Variants in TACC2 observed in about 807,000 individuals in gnomAD.
TACC2 encodes the protein transforming acidic coiled-coil-containing protein 2.
TACC2 carries 137 observed loss-of-function variants against 227.3 expected under a neutral mutation model. The observed-to-expected ratio is 0.60, with a 90% CI of 0.52 to 0.69. The LOEUF (loss-of-function observed/expected upper bound fraction) is 0.69, where lower values mean the gene tolerates loss of function less well. Among genes scored for constraint, TACC2 ranks in the 30% least tolerant of loss-of-function variants. TACC2 has a pLI of 0.00. For missense variants in TACC2, 3,470 were observed against 3,694.4 expected, an observed-to-expected ratio of 0.94 and a Z score of 1.57; for synonymous variants, 1,523 against 1,487.5, an observed-to-expected ratio of 1.02 and a Z score of -0.55.
rs1418868376 is a variant in TACC2 at position 122,229,505 on chromosome 10, A to G, written c.8037+19A>G. ...ACTCCAGGTTTGTAGCCCACGTGTG[A>G]CCTTTTGGGAGTTTGTCAAAACCTC... On this transcript the variant is annotated intron_variant, in intron 15 of 22. Coordinates refer to ENST00000369005, the MANE Select transcript of TACC2 (RefSeq NM_206862.4). 1.2e-6 allele frequency: 2 copies of G among 1,613,502 alleles called. No homozygotes were observed. The highest frequency in any genetic ancestry group is 2.7e-5 in the African/African-American group (2 of 74,810).
chr10:122,197,922 T>C (rs1464174557), intron 8 of TACC2, among the ~76,000 whole-genome samples: 2 of 152,224 alleles, frequency 1.3e-5, no homozygotes, highest in African/African-American at 4.8e-5. Flanking sequence ...TGCTTGCTAG[T>C]GTAGGTGGCT....
At chr10:122,025,704 G>C (rs895744130) in intron 2 of TACC2, among the ~76,000 whole-genome samples, 7 of 151,228 alleles carry the variant, frequency 4.6e-5, no homozygotes, top group Non-Finnish European at 8.8e-5. Flanking sequence ...CTCCCAAGTA[G>C]CTGGGAGCTA....
chr10:122,094,086 G>A (rs753962403), intron 5 of TACC2, among the ~76,000 whole-genome samples: 3 of 152,078 alleles, frequency 2.0e-5, no homozygotes, highest in Admixed American at 6.6e-5. Context: ...AAGTACTTAG[G>A]AAACTAAAGC....
intron 5 of TACC2, among the ~76,000 whole-genome samples, chr10:122,108,332 C>T (rs2083134074): frequency 6.6e-6 from 1 of 151,772 alleles, no homozygotes. Flanking sequence ...CTGCAAATGC[C>T]ATTATTTTAT....
At chr10:122,143,023 G>A (rs2090859090) in intron 6 of TACC2, among the ~76,000 whole-genome samples, 1 of 152,150 alleles carries the variant, frequency 6.6e-6, no homozygotes, top group Non-Finnish European at 1.5e-5. Flanking sequence ...CCTACTCGAG[G>A]GCCACACTCC....
chr10:122,046,240 C>T (rs530021267), intron 2 of TACC2, among the ~76,000 whole-genome samples: 75 of 151,708 alleles, frequency 4.9e-4, no homozygotes, highest in Non-Finnish European at 9.3e-4. Flanking sequence ...TTTGGGAGGC[C>T]GAGGCGGGTG....
At chr10:122,066,198 C>T (rs1479758761) in intron 3 of TACC2, among the ~76,000 whole-genome samples, 1 of 151,896 alleles carries the variant, frequency 6.6e-6, no homozygotes, top group Non-Finnish European at 1.5e-5. Flanking sequence ...GCCTCCACCT[C>T]CCAGGTTCAA....
intron 1 of TACC2, among the ~76,000 whole-genome samples, chr10:122,019,444 G>A (rs989975229): frequency 6.6e-6 from 1 of 152,214 alleles, no homozygotes; most frequent in Non-Finnish European, 1.5e-5. Context: ...TTCCCGGCCC[G>A]ACTGCATAAA....
intron 10 of TACC2, among the ~76,000 whole-genome samples, chr10:122,215,728 G>A (rs955324875): frequency 6.6e-6 from 1 of 152,174 alleles, no homozygotes; most frequent in African/African-American, 2.4e-5. Flanking sequence ...CAGTTCATCT[G>A]CTGTGAACTT....
At chr10:122,174,143 G>C (rs2093603244) in intron 7 of TACC2, among the ~76,000 whole-genome samples, 1 of 152,200 alleles carries the variant, frequency 6.6e-6, no homozygotes. Context: ...TTTTTCCACT[G>C]GGTGCAACTA....
intron 5 of TACC2, among the ~76,000 whole-genome samples, chr10:122,105,944 CTGTG>C (rs71022897): frequency 0.25 from 36,967 of 145,174 alleles, 5,040 homozygotes; most frequent in Non-Finnish European, 0.31. Flanking sequence ...TTTTCTCTCT[CTGTG>C]TGTGTGTGTG....
rs750857540 is a variant in TACC2, at chr10:122,132,691, G to A, written c.5656G>A (p.Gly1886Ser). 5.0e-6 allele frequency: 8 copies of A among 1,614,042 alleles called. No homozygotes were observed. In the African/African-American group the frequency reaches 9.3e-5, roughly 19 times the overall value. ...SPTLAASSYH[G>S]DVVGQVSTDL... Reference sequence around the variant, plus strand: ...AACCTTAGCTGCCTCTTCCTACCACGGTGATGTTGTTGGCCAGGTCTCTAC... The same window carrying A: ...AACCTTAGCTGCCTCTTCCTACCACAGTGATGTTGTTGGCCAGGTCTCTAC... The change falls in exon 6 of 23, where the codon GGT becomes AGT. Residue 1886 changes from glycine (G) to serine (S), a missense_variant. By Grantham distance (56) the Gly-to-Ser change is moderately conservative (BLOSUM62 0). Transcript: ENST00000369005.
chr10:122,050,544 C>T lies in TACC2; in HGVS notation c.140C>T (p.Ala47Val), dbSNP rs749336283. Residue 47 changes from alanine to valine, a missense_variant, in exon 3 of 23, where the codon GCG becomes GTG. Physicochemically the swap from Ala to Val is moderately conservative, Grantham distance 64. This residue lies in a region of TACC2 where 405 missense variants were observed against 389.6 expected (regional missense o/e 1.04). Coordinates refer to ENST00000369005, the MANE Select transcript of TACC2 (RefSeq NM_206862.4). The surrounding 1 kb of genome is among the most constrained non-coding windows in gnomAD (Gnocchi z 4.6). ...CCCGGAAGCCCTGACCACAGAGACG[C>T]GTCCAGGTAGGAGGCCAGCTCTGGA... ...DTPGSPDHRD[A>V]SSIGSVGLGG... is the part of the protein sequence containing the mutation. The T allele has an allele frequency of 9.9e-6, 16 of 1,613,182 alleles. No homozygotes were observed. Among genetic ancestry groups the T allele is most frequent in the East Asian group, 6.7e-5 (3 of 44,876 alleles).
intron 7 of TACC2, among the ~76,000 whole-genome samples, chr10:122,145,737 G>A (rs1001035230): frequency 6.6e-6 from 1 of 152,162 alleles, no homozygotes; most frequent in Non-Finnish European, 1.5e-5. Context: ...CTGATGCAGT[G>A]TTAGGGTCAG....
At chr10:122,140,436 G>A (rs547812423) in intron 6 of TACC2, among the ~76,000 whole-genome samples, 3 of 152,152 alleles carry the variant, frequency 2.0e-5, no homozygotes, top group Non-Finnish European at 2.9e-5. Context: ...CAGCTTCTTC[G>A]TTATTCCAAT....
chr10:122,089,827 C>G (rs1263527646), intron 5 of TACC2, among the ~76,000 whole-genome samples: 2 of 152,212 alleles, frequency 1.3e-5, no homozygotes, highest in Admixed American at 1.3e-4. Flanking sequence ...TGACACCCAG[C>G]TGCCTCTGCC....
intron 1 of TACC2, among the ~76,000 whole-genome samples, chr10:122,014,747 C>G (rs957809891): frequency 1.3e-5 from 2 of 152,122 alleles, no homozygotes; most frequent in Admixed American, 6.5e-5. Flanking sequence ...TGCTCTTGGT[C>G]ATCTTGGCCA....
At chr10:121,994,469 T>TCTCC (rs1186139282) in intron 1 of TACC2, among the ~76,000 whole-genome samples, 34 of 152,324 alleles carry the variant, frequency 2.2e-4, no homozygotes, top group African/African-American at 7.7e-4. Flanking sequence ...CTTATTACCC[T>TCTCC]CTCCCTCTGG....
At chr10:122,176,111 C>CTATATATA (rs1277849862) in intron 7 of TACC2, among the ~76,000 whole-genome samples, 12 of 62,390 alleles carry the variant, frequency 1.9e-4, no homozygotes, top group Admixed American at 3.1e-4. Flanking sequence ...CTCTCTCTCT[C>CTATATATA]TCTCTCTATA....
Sources: gnomAD v4.1 joint callset for allele counts (sites outside exome capture counted in the v4.1 genomes callset) on GRCh38, gnomAD v4.1.1 for gene constraint, gnomAD v4.1.1 regional missense constraint, Gnocchi (gnomAD v3.1) non-coding constraint, MANE v1.5 for transcripts, NCBI Gene and HGNC (gene_info 2026-07-23, HGNC 2026-07-21) for gene names.